ELOC: variants seen among roughly 807,000 people sequenced by gnomAD.
The protein encoded by ELOC is elongin-C.
For missense variants in ELOC, 38 were observed against 139.0 expected, an observed-to-expected ratio of 0.27 and a Z score of 3.65; for synonymous variants, 40 against 51.3, an observed-to-expected ratio of 0.78 and a Z score of 0.94.
intron 3 of ELOC, among the ~76,000 whole-genome samples, chr8:73,952,703 A>G (rs537031170): frequency 1.7e-4 from 25 of 148,762 alleles, no homozygotes; most frequent in African/African-American, 5.9e-4. Flanking sequence ...ATGGCATGAA[A>G]CTGGGAGGTG....
intron 1 of ELOC, among the ~76,000 whole-genome samples, chr8:73,961,337 T>C (rs1212891397): frequency 6.6e-6 from 1 of 152,210 alleles, no homozygotes; most frequent in East Asian, 1.9e-4. Context: ...ACCATAACAC[T>C]TCAACGCAGA....
At chr8:73,968,151 T>A (rs949160891) in intron 1 of ELOC, among the ~76,000 whole-genome samples, 2 of 152,232 alleles carry the variant, frequency 1.3e-5, no homozygotes, top group African/African-American at 2.4e-5. Flanking sequence ...ATTTCTACTC[T>A]GTTTGACATT....
intron 1 of ELOC, among the ~76,000 whole-genome samples, chr8:73,964,968 C>CA (rs940488318): frequency 7.6e-5 from 11 of 144,560 alleles, no homozygotes; most frequent in Admixed American, 2.2e-4. Flanking sequence ...GGTAAGGCTG[C>CA]AGCAGGCCAT....
chr8:73,967,902 G>C (rs1209923558), intron 1 of ELOC, among the ~76,000 whole-genome samples: 1 of 152,186 alleles, frequency 6.6e-6, no homozygotes, highest in Non-Finnish European at 1.5e-5. Context: ...GTTCTAACTT[G>C]TTGACTCTGT....
chr8:73,967,362 A>T (rs1162047885), intron 1 of ELOC, among the ~76,000 whole-genome samples: 1 of 152,132 alleles, frequency 6.6e-6, no homozygotes, highest in Non-Finnish European at 1.5e-5. Flanking sequence ...CTGCCACTGG[A>T]GTGCAAAAGC....
intron 3 of ELOC, among the ~76,000 whole-genome samples, chr8:73,949,539 T>C (rs961157519): frequency 2.6e-5 from 4 of 152,230 alleles, no homozygotes; most frequent in African/African-American, 7.2e-5. Context: ...CGATAATCCA[T>C]TAAGCAGTTA....
intron 3 of ELOC, among the ~76,000 whole-genome samples, chr8:73,952,009 A>G (rs1267977268): frequency 6.6e-6 from 1 of 152,170 alleles, no homozygotes; most frequent in Non-Finnish European, 1.5e-5. Flanking sequence ...ACAAAAATTA[A>G]CTTAAGACCA....
rs573769729 is a variant in ELOC at position 73,950,645 on chromosome 8, C to T, written c.149-3825G>A. ...ATGAATCAGCCTGACAACCTGGAAC[C>T]CACTGATCAAGCTTGACACTGCTAA... On this transcript the variant is annotated intron_variant, in intron 3 of 3. Transcript: ENST00000520242. 7.2e-5 allele frequency among the ~76,000 whole-genome samples: 11 copies of T among 152,202 alleles called. 1 individual carries two copies. The highest frequency in any genetic ancestry group is 2.6e-4 in the African/African-American group (11 of 41,526).
At chr8:73,967,322 T>C (rs567645465) in intron 1 of ELOC, among the ~76,000 whole-genome samples, 17 of 152,210 alleles carry the variant, frequency 1.1e-4, no homozygotes, top group African/African-American at 3.9e-4. Flanking sequence ...CTTAGCAGGC[T>C]GTAAGGTCTC....
At chr8:73,963,587 C>T (rs993174728) in intron 1 of ELOC, among the ~76,000 whole-genome samples, 3 of 152,130 alleles carry the variant, frequency 2.0e-5, no homozygotes, top group African/African-American at 7.2e-5. Context: ...CTTGAATTAC[C>T]TAAGTAGATA....
At chr8:73,967,065 T>C (rs1015237775) in intron 1 of ELOC, among the ~76,000 whole-genome samples, 1 of 152,218 alleles carries the variant, frequency 6.6e-6, no homozygotes, top group Non-Finnish European at 1.5e-5. Flanking sequence ...TAAATGGCTT[T>C]ACATATAAAA....
At chr8:73,961,826 T>C (rs2131151848) in intron 1 of ELOC, among the ~76,000 whole-genome samples, 1 of 152,150 alleles carries the variant, frequency 6.6e-6, no homozygotes, top group African/African-American at 2.4e-5. Context: ...GCACTAACAA[T>C]TAAATCTGAT....
intron 3 of ELOC, among the ~76,000 whole-genome samples, chr8:73,947,823 C>T (rs1301269956): frequency 6.6e-6 from 1 of 152,104 alleles, no homozygotes. Flanking sequence ...GATCCCCCTG[C>T]CTCAGAATCC....
At chr8:73,946,910 G>T in intron 3 of ELOC, 90 bp from the exon 4 acceptor site, 1 of 1,087,376 alleles carries the variant, frequency 9.2e-7, no homozygotes, top group Non-Finnish European at 1.3e-6. Flanking sequence ...ACCACAGAAT[G>T]TGGCTGTATT....
chr8:73,962,522 T>G (rs1814673115), intron 1 of ELOC, among the ~76,000 whole-genome samples: 2 of 152,070 alleles, frequency 1.3e-5, no homozygotes, highest in Admixed American at 1.3e-4. Context: ...TGAGAGCCAT[T>G]ATTATTTTCT....
At chr8:73,954,894 C>G (rs774591300) in intron 3 of ELOC, among the ~76,000 whole-genome samples, 1 of 150,056 alleles carries the variant, frequency 6.7e-6, no homozygotes, top group African/African-American at 2.5e-5. Context: ...ATTAGCCAGG[C>G]GTGGTGGTAG....
chr8:73,959,865 A>C, intron 1 of ELOC, 47 bp from the exon 2 acceptor site: 1 of 1,046,528 alleles, frequency 9.6e-7, no homozygotes, highest in Non-Finnish European at 1.3e-6. Flanking sequence ...GCAAGAGACA[A>C]GTTTTCATTC....
intron 2 of ELOC, among the ~76,000 whole-genome samples, chr8:73,959,215 T>TA (rs2131135913): frequency 6.6e-6 from 1 of 152,246 alleles, no homozygotes; most frequent in African/African-American, 2.4e-5. Flanking sequence ...ATAAGTACTG[T>TA]ACACTTAGGC....
chr8:73,966,520 C>G lies in ELOC; in HGVS notation c.-51+5557G>C, dbSNP rs568857384. 1.6e-4 allele frequency among the ~76,000 whole-genome samples: 24 copies of G among 150,298 alleles called. 1 individual carries two copies. The highest frequency in any genetic ancestry group is 5.9e-4 in the African/African-American group (24 of 40,806). On this transcript the variant is annotated intron_variant, in intron 1 of 3. Coordinates refer to ENST00000520242, the MANE Select transcript of ELOC (RefSeq NM_005648.4). ...TTTTTTTTTGAGACAAGTTCTTGCT[C>G]TGTCACCCAAGTTGAAGTACAGTTG...
Sources: allele counts gnomAD v4.1 joint callset (sites outside exome capture counted in the v4.1 genomes callset), GRCh38; gene constraint gnomAD v4.1.1; transcripts MANE v1.5; gene names NCBI Gene and HGNC (gene_info 2026-07-23, HGNC 2026-07-21).